TMCO4: variants seen among roughly 807,000 people sequenced by gnomAD.
The protein encoded by TMCO4 is transmembrane and coiled-coil domains 4.
TMCO4 carries 58 observed loss-of-function variants against 64.7 expected under a neutral mutation model. The observed-to-expected ratio is 0.90, with a 90% confidence interval of 0.73 to 1.12. TMCO4 has a LOEUF of 1.12. Among genes scored for constraint, TMCO4 ranks in the 50% most tolerant of loss-of-function variants. The pLI is 0.00. For missense variants in TMCO4, 780 were observed against 825.9 expected, an observed-to-expected ratio of 0.94 and a Z score of 0.68; for synonymous variants, 325 against 346.1, an observed-to-expected ratio of 0.94 and a Z score of 0.68.
chr1:19,683,869 C>G (rs2095125104), intron 15 of TMCO4, among the ~76,000 whole-genome samples: 1 of 142,076 alleles, frequency 7.0e-6, no homozygotes. Flanking sequence ...TTCAAGTGAT[C>G]TTCTTGCCTC....
intron 7 of TMCO4, among the ~76,000 whole-genome samples, chr1:19,751,872 C>T (rs2042035730): frequency 6.6e-6 from 1 of 152,000 alleles, no homozygotes; most frequent in African/African-American, 2.4e-5. Flanking sequence ...CATGATGAAA[C>T]CCAGTCTCTA....
chr1:19,721,233 C>A (rs149023875), intron 13 of TMCO4, among the ~76,000 whole-genome samples: 1 of 152,178 alleles, frequency 6.6e-6, no homozygotes, highest in East Asian at 1.9e-4. Flanking sequence ...GAGACTCAGA[C>A]AGCCATCAGG....
At chr1:19,773,443 G>C (rs1451865993) in intron 4 of TMCO4, among the ~76,000 whole-genome samples, 1 of 152,168 alleles carries the variant, frequency 6.6e-6, no homozygotes, top group African/African-American at 2.4e-5. Flanking sequence ...AGCGGGGTGA[G>C]AGGGCCAGGC....
chr1:19,741,373 C>T (rs183907597), intron 10 of TMCO4, among the ~76,000 whole-genome samples: 1 of 152,318 alleles, frequency 6.6e-6, no homozygotes, highest in East Asian at 1.9e-4. Context: ...TACAATGGGA[C>T]AAGCAGCACA....
chr1:19,739,849 G>A lies in TMCO4; in HGVS notation c.1154C>T (p.Ala385Val), dbSNP rs751509507. The A allele has an allele frequency of 2.5e-6, 4 of 1,613,780 alleles. No homozygotes were observed. Among genetic ancestry groups the A allele is most frequent in the South Asian group, 1.1e-5 (1 of 91,038 alleles). Residue 385 changes from alanine (A) to valine (V), a missense_variant, in exon 12 of 16, where the codon GCC (alanine) becomes GTC (valine). Ala to Val is a moderately conservative substitution (Grantham distance 64). Coordinates refer to ENST00000294543, the MANE Select transcript of TMCO4 (RefSeq NM_181719.7). ...HRSAEVGKHLAHILLSRQQGR... is the reference protein window; with the variant it reads ...HRSAEVGKHLVHILLSRQQGR... ...CTGCTGCCGGGAGAGCAGGATGTGGGCCAGGTGCTTGCCAACCTCTGCTGA... is the reference window on the plus strand; with the variant it reads ...CTGCTGCCGGGAGAGCAGGATGTGGACCAGGTGCTTGCCAACCTCTGCTGA...
intron 15 of TMCO4, among the ~76,000 whole-genome samples, chr1:19,688,537 G>C (rs1156783189): frequency 6.6e-6 from 1 of 152,142 alleles, no homozygotes; most frequent in East Asian, 1.9e-4. Flanking sequence ...TATACCACGT[G>C]GGCTGGCTGT....
At chr1:19,745,177 C>T (rs2041710534) in intron 10 of TMCO4, among the ~76,000 whole-genome samples, 1 of 149,912 alleles carries the variant, frequency 6.7e-6, no homozygotes, top group Non-Finnish European at 1.5e-5. Context: ...AGTGGGTGGA[C>T]AGGTAGACAG....
At chr1:19,780,814 G>A (rs1189659392) in intron 3 of TMCO4, 48 bp from the exon 4 acceptor site, 4 of 1,446,744 alleles carry the variant, frequency 2.8e-6, no homozygotes, top group Non-Finnish European at 3.7e-6. Context: ...GGTAAGCCAA[G>A]GTTACTTAAG....
chr1:19,687,099 GCAC>G (rs561406904), intron 15 of TMCO4, among the ~76,000 whole-genome samples: 97 of 152,092 alleles, frequency 6.4e-4, no homozygotes, highest in African/African-American at 2.1e-3. Flanking sequence ...TTACAGATGT[GCAC>G]CACCACACCT....
At chr1:19,786,465 G>A (rs528599345) in intron 3 of TMCO4, among the ~76,000 whole-genome samples, 1 of 152,146 alleles carries the variant, frequency 6.6e-6, no homozygotes, top group Non-Finnish European at 1.5e-5. Flanking sequence ...CTTTGACAAA[G>A]GGAAAAGCAT....
chr1:19,784,487 T>C (rs1456122610), intron 3 of TMCO4, among the ~76,000 whole-genome samples: 4 of 152,116 alleles, frequency 2.6e-5, no homozygotes, highest in East Asian at 3.9e-4. Context: ...TGAGCTGAGA[T>C]TGTGCCACTG....
At chr1:19,761,249 G>A (rs967691964) in intron 6 of TMCO4, among the ~76,000 whole-genome samples, 5 of 152,262 alleles carry the variant, frequency 3.3e-5, no homozygotes, top group South Asian at 2.1e-4. Context: ...TGGGAAGGAG[G>A]GCCACGAGCT....
At chr1:19,793,865 C>T (rs1303828708) in intron 2 of TMCO4, among the ~76,000 whole-genome samples, 1 of 152,164 alleles carries the variant, frequency 6.6e-6, no homozygotes, top group Non-Finnish European at 1.5e-5. Context: ...CGCCTCTCCA[C>T]ATATCTGCTT....
chr1:19,771,387 C>G lies in TMCO4; in HGVS notation c.275G>C (p.Gly92Ala). The G allele has an allele frequency of 6.2e-7, 1 of 1,614,190 alleles. No homozygotes were observed. Among genetic ancestry groups the G allele is most frequent in the Non-Finnish European group, 8.5e-7 (1 of 1,180,036 alleles). The change falls in exon 5 of 16, where the codon GGA becomes GCA. Residue 92 changes from glycine (G) to alanine (A), a missense_variant. By Grantham distance (60) the Gly-to-Ala change is moderately conservative (BLOSUM62 0). Coordinates refer to ENST00000294543, the MANE Select transcript of TMCO4 (RefSeq NM_181719.7). Reference protein sequence around the residue: ...PTMTAFASGLGGEGADVFVQI... With the variant: ...PTMTAFASGLAGEGADVFVQI... ...AACAAACACATCTGCTCCTTCACCT[C>G]CCAGGCCGCTCGCAAAAGCAGTCAT... is the stretch of plus-strand genomic sequence containing the variant.
intron 13 of TMCO4, among the ~76,000 whole-genome samples, chr1:19,730,259 T>C (rs1279367126): frequency 6.6e-6 from 1 of 152,198 alleles, no homozygotes; most frequent in Non-Finnish European, 1.5e-5. Context: ...TGTCTCCTAC[T>C]GAGGAAACAT....
At chr1:19,766,619 T>C (rs1174801051) in intron 6 of TMCO4, among the ~76,000 whole-genome samples, 1 of 152,140 alleles carries the variant, frequency 6.6e-6, no homozygotes, top group Non-Finnish European at 1.5e-5. Flanking sequence ...TGCTGGGCAC[T>C]CTACATGGAT....
intron 12 of TMCO4, among the ~76,000 whole-genome samples, chr1:19,739,002 C>T (rs2095467867): frequency 6.6e-6 from 1 of 152,170 alleles, no homozygotes; most frequent in African/African-American, 2.4e-5. Flanking sequence ...GTCAAGACCC[C>T]AGAGCAACAA....
chr1:19,750,530 A>C (rs1388535277), intron 7 of TMCO4, among the ~76,000 whole-genome samples: 2 of 152,206 alleles, frequency 1.3e-5, no homozygotes, highest in Non-Finnish European at 2.9e-5. Flanking sequence ...GCCAATGCCA[A>C]GTATTAATAG....
At chr1:19,799,007 C>T (rs2044470186) in intron 1 of TMCO4, among the ~76,000 whole-genome samples, 1 of 152,172 alleles carries the variant, frequency 6.6e-6, no homozygotes, top group African/African-American at 2.4e-5. Context: ...CCTGGCCCTG[C>T]TCCTAATTCC....
Sources: gnomAD v4.1 joint callset for allele counts (sites outside exome capture counted in the v4.1 genomes callset) on GRCh38, gnomAD v4.1.1 for gene constraint, MANE v1.5 for transcripts, NCBI Gene and HGNC (gene_info 2026-07-23, HGNC 2026-07-21) for gene names.